The following MROH2A variants were observed in gnomAD, a reference collection of about 807,000 sequenced individuals.
MROH2A encodes the protein maestro heat-like repeat-containing protein family member 2A.
Under a neutral mutation model 200.4 loss-of-function variants are expected in MROH2A, and 174 were observed. The observed-to-expected ratio is 0.87, with a 90% CI of 0.77 to 0.98. The LOEUF (loss-of-function observed/expected upper bound fraction) is 0.98, where lower values mean the gene tolerates loss of function less well. MROH2A is among the 50% of genes least tolerant of loss of function. The pLI is 0.00. For missense variants in MROH2A, 2,045 were observed against 2,139.6 expected (o/e 0.96, Z 0.87); for synonymous variants, 829 against 840.4 (o/e 0.99, Z 0.23).
At chr2:233,832,075 C>A (rs1282955891) in intron 39 of MROH2A, 102 bp from the exon 40 acceptor site, 44 of 934,402 alleles carry the variant, frequency 4.7e-5, no homozygotes, top group Non-Finnish European at 6.9e-5. Context: ...TGGGCGCTTG[C>A]CCTCTCTGAT....
chr2:233,796,019 A>C lies in MROH2A; in HGVS notation c.1112A>C (p.Glu371Ala), dbSNP rs1186450304. 6.4e-7 allele frequency: 1 copy of C among 1,550,554 alleles called. No individual in the cohort carries two copies. Among genetic ancestry groups the C allele is most frequent in the South Asian group, 1.2e-5 (1 of 84,056 alleles). ...QHQYSSQNLMEMVHCFVALAR... is the reference protein window; with the variant it reads ...QHQYSSQNLMAMVHCFVALAR... ...CAGTACAGCAGCCAGAATCTGATGGAGATGGTGCACTGCTTCGTAGCCCTT... is the reference window on the plus strand; with the variant it reads ...CAGTACAGCAGCCAGAATCTGATGGCGATGGTGCACTGCTTCGTAGCCCTT... Residue 371 changes from glutamate to alanine, a missense_variant, in exon 10 of 42, where the codon GAG becomes GCG. Glu to Ala is a moderately radical substitution (Grantham distance 107). This residue lies in a region of MROH2A where 831 missense variants were observed against 800.0 expected (regional missense o/e 1.04). Transcript: ENST00000389758.
At chr2:233,823,772 C>T (rs184011238) in intron 35 of MROH2A, 108 bp downstream of exon 35, 219 of 1,385,344 alleles carry the variant, frequency 1.6e-4, no homozygotes, top group African/African-American at 1.4e-3. Flanking sequence ...GGGGGACAGG[C>T]GAGCGCCCCT....
chr2:233,805,096 C>T lies in MROH2A; in HGVS notation c.2037C>T (p.Ser679=). 6.5e-7 allele frequency: 1 copy of T among 1,549,066 alleles called. No homozygotes were observed. The highest frequency in any genetic ancestry group is 2.4e-5 in the East Asian group (1 of 40,844). The part of the protein sequence containing the change: ...ELNNQIASFD[S]PSLEKGFLYR... ...ACAACCAGATTGCGAGCTTTGACAG[C>T]CCCTCTCTGGAGAAGGTTTGTCTTC... Residue 679 remains serine, a synonymous_variant, in exon 19 of 42, where the codon AGC becomes AGT. Coordinates refer to ENST00000389758, the MANE Select transcript of MROH2A (RefSeq NM_001394639.1).
chr2:233,809,289 C>A lies in MROH2A; in HGVS notation c.2448+11C>A. 6.5e-7 allele frequency: 1 copy of A among 1,547,996 alleles called. No homozygotes were observed. Among genetic ancestry groups the A allele is most frequent in the South Asian group, 1.2e-5 (1 of 84,020 alleles). ...GTCAGCAGCTGCCAGGTAGCCCCAT[C>A]TGCTGCCTGGGGGGATGTCTTCTGG... On this transcript the variant is annotated intron_variant, in intron 22 of 41. Coordinates refer to ENST00000389758, the MANE Select transcript of MROH2A (RefSeq NM_001394639.1).
intron 7 of MROH2A, 57 bp from the exon 8 acceptor site, chr2:233,794,306 C>G (rs935694109): frequency 7.6e-7 from 1 of 1,309,482 alleles, no homozygotes; most frequent in African/African-American, 1.5e-5. Flanking sequence ...GCTGAGGTCA[C>G]TGGCCTTGCT....
At chr2:233,787,596 T>TATATTA (rs1286025940) in intron 3 of MROH2A, among the ~76,000 whole-genome samples, 10 of 32,844 alleles carry the variant, frequency 3.0e-4, no homozygotes, top group Non-Finnish European at 3.9e-4. Flanking sequence ...CATATATATA[T>TATATTA]TATATATTAT....
intron 1 of MROH2A, 68 bp from the exon 2 acceptor site, chr2:233,779,276 TG>T: frequency 1.1e-6 from 1 of 933,814 alleles, no homozygotes. Context: ...TGGAAGGGTG[TG>T]GGTCGTTGGG....
chr2:233,828,571 C>T lies in MROH2A; in HGVS notation c.4114-59C>T, dbSNP rs1295155506. The T allele has an allele frequency of 2.0e-6, 3 of 1,531,206 alleles. No homozygotes were observed. Among genetic ancestry groups the T allele is most frequent in the Non-Finnish European group, 1.8e-6 (2 of 1,134,072 alleles). 94.9% of individuals were successfully genotyped at this position (1,531,206 alleles called of 1,614,324 possible). The stretch of plus-strand genomic sequence containing the variant: ...GCATTACCTCTCCTCCCACGTCCCA[C>T]CTTGCTGCTGAGAAATGAGCCCGCC... On this transcript the variant is annotated intron_variant, in intron 35 of 41. Coordinates refer to ENST00000389758, the MANE Select transcript of MROH2A (RefSeq NM_001394639.1). The surrounding 1 kb of genome is among the most constrained non-coding windows in gnomAD (Gnocchi z 4.6).
chr2:233,795,167 G>A (rs1211503665), intron 8 of MROH2A, among the ~76,000 whole-genome samples: 2 of 152,202 alleles, frequency 1.3e-5, no homozygotes, highest in African/African-American at 4.8e-5. Context: ...AAGGACACCG[G>A]TCAACTCAAG....
chr2:233,816,907 C>A, intron 27 of MROH2A, 22 bp downstream of exon 27: 1 of 1,391,848 alleles, frequency 7.2e-7, no homozygotes, highest in Admixed American at 2.0e-5. Flanking sequence ...AGTCCCCAGC[C>A]CCCAGCCTGC....
At chr2:233,825,972 T>C (rs1197443173) in intron 35 of MROH2A, among the ~76,000 whole-genome samples, 23 of 137,530 alleles carry the variant, frequency 1.7e-4, no homozygotes, top group African/African-American at 5.9e-4. Flanking sequence ...GTCGCCAGGC[T>C]GGAGTGCAAT....
In MROH2A at chr2:233,807,304, C is replaced by T; in HGVS notation, c.2053-119C>T. Reference sequence around the variant, plus strand: ...AATTGTGCTGCTGTAAACGTGTGTGCAAGTATCTTCTGCACATTAAAATAA... The same window carrying T: ...AATTGTGCTGCTGTAAACGTGTGTGTAAGTATCTTCTGCACATTAAAATAA... On this transcript the variant is annotated intron_variant, in intron 19 of 41. Transcript: ENST00000389758. This position sits in a 1 kb window ranked among gnomAD's most constrained non-coding sequence, Gnocchi z 4.3. The T allele has an allele frequency of 8.8e-7, 1 of 1,132,560 alleles. No individual in the cohort carries two copies. Among genetic ancestry groups the T allele is most frequent in the Non-Finnish European group, 1.2e-6 (1 of 823,096 alleles). The allele number at this position is 1,132,560 out of a possible 1,614,324, so 70.2% of individuals were successfully genotyped here.
intron 12 of MROH2A, 29 bp from the exon 13 acceptor site, chr2:233,799,751 C>T: frequency 2.6e-6 from 4 of 1,549,942 alleles, no homozygotes; most frequent in Non-Finnish European, 3.5e-6. Context: ...ACCCCAACCC[C>T]CAGCATGTCC....
upstream of MROH2A, among the ~76,000 whole-genome samples, chr2:233,777,622 C>T (rs1245317692): frequency 2.0e-5 from 3 of 152,202 alleles, no homozygotes; most frequent in South Asian, 2.1e-4. Context: ...TGAGCTCCCT[C>T]GTATTGGAGG....
chr2:233,789,400 T>A, intron 3 of MROH2A, 97 bp from the exon 4 acceptor site: 3 of 1,190,310 alleles, frequency 2.5e-6, no homozygotes, highest in Non-Finnish European at 3.2e-6. Context: ...TGGAGGCTGG[T>A]GGTTTGGGTG....
intron 41 of MROH2A, 62 bp from the exon 42 acceptor site, chr2:233,833,076 C>G: frequency 6.8e-7 from 1 of 1,471,682 alleles, no homozygotes; most frequent in Non-Finnish European, 9.0e-7. Context: ...CTGCCCAGGG[C>G]ATGCAGCATG....
intron 15 of MROH2A, 149 bp from the exon 16 acceptor site, chr2:233,803,299 G>A (rs770111952): frequency 2.6e-6 from 2 of 755,506 alleles, no homozygotes; most frequent in Non-Finnish European, 4.4e-6. Context: ...GAAATTCCCT[G>A]TGCCAACCCA....
At chr2:233,831,861 AT>A (rs1704781098) in intron 39 of MROH2A, among the ~76,000 whole-genome samples, 2 of 152,226 alleles carry the variant, frequency 1.3e-5, no homozygotes, top group South Asian at 2.1e-4. Flanking sequence ...ATATTTTACA[AT>A]TTTTGGGGTA....
At position 233,826,145 on chromosome 2, in the gene MROH2A, G is replaced by A. The variant is rs552778741; in HGVS notation, c.4113+2481G>A. Among the ~76,000 whole-genome samples the A allele has an allele frequency of 4.6e-5, 7 of 152,136 alleles. No individual in the cohort carries two copies. The East Asian group carries it at 1.4e-3, about 29-fold the overall frequency. On this transcript the variant is annotated intron_variant, in intron 35 of 41. Coordinates refer to ENST00000389758, the MANE Select transcript of MROH2A (RefSeq NM_001394639.1). ...TCACCATGTTGGCCAGGATGGTCTC[G>A]ATCTCTTGACCTTGTGATTTGCCCG... is the stretch of plus-strand genomic sequence containing the variant.
Sources: gnomAD v4.1 joint callset for allele counts (sites outside exome capture counted in the v4.1 genomes callset) on GRCh38, gnomAD v4.1.1 for gene constraint, gnomAD v4.1.1 regional missense constraint, Gnocchi (gnomAD v3.1) non-coding constraint, MANE v1.5 for transcripts, NCBI Gene and HGNC (gene_info 2026-07-23, HGNC 2026-07-21) for gene names.